The following KIF13B variants were observed in gnomAD, a reference collection of about 807,000 sequenced individuals.
The protein encoded by KIF13B is kinesin family member 13B.
A neutral mutation model predicts 222.0 loss-of-function variants in KIF13B; 127 were observed. The ratio of observed to expected loss-of-function variants is 0.57; its 90% CI spans 0.50 to 0.66. The LOEUF is 0.66. Among genes scored for constraint, KIF13B ranks in the 30% least tolerant of loss-of-function variants. The pLI is 0.00. For missense variants in KIF13B, 2,173 were observed against 2,379.0 expected (o/e 0.91, Z 1.80); for synonymous variants, 976 against 919.0 (o/e 1.06, Z -1.12).
At chr8:29,124,641 T>C (rs1810027987) in intron 26 of KIF13B, among the ~76,000 whole-genome samples, 2 of 152,104 alleles carry the variant, frequency 1.3e-5, no homozygotes, top group East Asian at 1.9e-4. Context: ...GCCAGCACTT[T>C]GGGAGGTCAA....
At chr8:29,103,274 A>G (rs546567509) in intron 35 of KIF13B, among the ~76,000 whole-genome samples, 7 of 151,994 alleles carry the variant, frequency 4.6e-5, no homozygotes, top group African/African-American at 4.8e-5. Flanking sequence ...TAAAACAACA[A>G]TAACAAAAAA....
chr8:29,186,685 C>T (rs1036472496), intron 5 of KIF13B, among the ~76,000 whole-genome samples: 2 of 151,988 alleles, frequency 1.3e-5, no homozygotes, highest in African/African-American at 2.4e-5. Flanking sequence ...AGGCTGGGTG[C>T]GGTGGCTCAC....
At chr8:29,233,093 T>C (rs1432292443) in intron 2 of KIF13B, among the ~76,000 whole-genome samples, 3 of 152,022 alleles carry the variant, frequency 2.0e-5, no homozygotes, top group Admixed American at 1.3e-4. Flanking sequence ...GAGGTGGAGG[T>C]TGCAGTGAGC....
At chr8:29,117,867 A>G (rs924052980) in intron 30 of KIF13B, among the ~76,000 whole-genome samples, 4 of 152,312 alleles carry the variant, frequency 2.6e-5, no homozygotes, top group Admixed American at 2.0e-4. Context: ...TTCCTTTTTA[A>G]TAAATCCTGG....
Position 29,123,451 on chromosome 8 carries a change from C to A in KIF13B, c.3394G>T (p.Glu1132Ter). Residue 1132 changes from glutamate to a stop codon, truncating the protein, a stop_gained, in exon 28 of 40, where the codon GAG (glutamate) becomes TAG (stop). Coordinates refer to ENST00000524189, the MANE Select transcript of KIF13B (RefSeq NM_015254.4). LOFTEE classifies it high-confidence loss of function. ...DDADREAQLL[E>*]MRLTLTEERN... ...TCCTCAGTTAGGGTCAACCGCATCTCCAGAAGCTGCGCTTCACGGTCAGCA... is the reference window on the plus strand; with the variant it reads ...TCCTCAGTTAGGGTCAACCGCATCTACAGAAGCTGCGCTTCACGGTCAGCA... 6.2e-7 allele frequency: 1 copy of A among 1,614,030 alleles called. No homozygotes were observed. The highest frequency in any genetic ancestry group is 8.5e-7 in the Non-Finnish European group (1 of 1,179,874).
chr8:29,217,202 G>T (rs1814525042), intron 2 of KIF13B, among the ~76,000 whole-genome samples: 1 of 152,216 alleles, frequency 6.6e-6, no homozygotes, highest in Non-Finnish European at 1.5e-5. Flanking sequence ...CAACTGTCCG[G>T]CCTGCCTGTG....
At chr8:29,199,170 T>G (rs1028268769) in intron 2 of KIF13B, among the ~76,000 whole-genome samples, 4 of 152,152 alleles carry the variant, frequency 2.6e-5, no homozygotes, top group Non-Finnish European at 5.9e-5. Context: ...TATCATCTTT[T>G]TATTGTCTTT....
intron 10 of KIF13B, among the ~76,000 whole-genome samples, chr8:29,175,407 AGAGGG>A (rs1210056226): frequency 6.6e-6 from 1 of 151,984 alleles, no homozygotes; most frequent in Non-Finnish European, 1.5e-5. Context: ...TACGAGCCAG[AGAGGG>A]CAAGAAGCGC....
intron 24 of KIF13B, 71 bp downstream of exon 24, chr8:29,130,462 C>T (rs2129820223): frequency 6.8e-7 from 1 of 1,468,432 alleles, no homozygotes; most frequent in Non-Finnish European, 9.5e-7. Flanking sequence ...CCAACATTTC[C>T]ACTAAAAAGA....
rs373318729 is a variant in KIF13B at position 29,122,642 on chromosome 8, G to A, written c.3484C>T (p.Pro1162Ser). The change falls in exon 29 of 40, where the codon CCA (proline) becomes TCA (serine). Residue 1162 changes from proline to serine, a missense_variant. Physicochemically the swap from Pro to Ser is moderately conservative, Grantham distance 74 (BLOSUM62 -1). This residue lies in a region of KIF13B where 1,480 missense variants were observed against 1,722.8 expected (regional missense o/e 0.86). Coordinates refer to ENST00000524189, the MANE Select transcript of KIF13B (RefSeq NM_015254.4). Reference protein sequence around the residue: ...GIPGAPAEWTPVPGMETHIPV... With the variant: ...GIPGAPAEWTSVPGMETHIPV... ...ATGTGTGTCTCCATCCCAGGTACTGGGGTCCTAAAACGGGAAGAACAAATG... is the reference window on the plus strand; with the variant it reads ...ATGTGTGTCTCCATCCCAGGTACTGAGGTCCTAAAACGGGAAGAACAAATG... The A allele has an allele frequency of 1.9e-6, 3 of 1,607,338 alleles. No homozygotes were observed. Among genetic ancestry groups the A allele is most frequent in the Non-Finnish European group, 1.7e-6 (2 of 1,176,792 alleles).
rs888370944 is a variant in KIF13B, at chr8:29,109,286, G to C, written c.4161+148C>G. 16 of 669,124 alleles carry C rather than the reference G, an allele frequency of 2.4e-5. 1 individual carries two copies. Among genetic ancestry groups the C allele is most frequent in the South Asian group, 5.2e-5 (3 of 57,450 alleles). 41.4% of individuals were successfully genotyped at this position (669,124 alleles called of 1,614,324 possible). ...ACAGGGGCAGAGGTGCACAGACCCA[G>C]TGGGGTGGAGACCAGGGGCCCTGAC... On this transcript the variant is annotated intron_variant, in intron 34 of 39. Transcript: ENST00000524189.
Position 29,072,185 on chromosome 8 carries a change from C to A in KIF13B, c.4653G>T (p.Pro1551=). The part of the protein sequence containing the change: ...VIAVTAVTPA[P]EAQDGPPSPL... ...GGCTGGGGGGCCCGTCCTGTGCCTC[C>A]GGAGCCGGGGTGACCGCTGTGACAG... Residue 1551 remains proline (P), a synonymous_variant, in exon 39 of 40, where the codon CCG becomes CCT. Transcript: ENST00000524189. 1 of 1,436,166 alleles carries A rather than the reference C, an allele frequency of 7.0e-7. No individual in the cohort carries two copies. The highest frequency in any genetic ancestry group is 1.6e-5 in the South Asian group (1 of 64,048). 89.0% of individuals were successfully genotyped at this position (1,436,166 alleles called of 1,614,324 possible). A position where few individuals can be genotyped will look rare whatever the true frequency, so the allele number is the denominator to read the frequency against.
intron 36 of KIF13B, among the ~76,000 whole-genome samples, chr8:29,095,709 G>A (rs1808490513): frequency 6.6e-6 from 1 of 152,158 alleles, no homozygotes. Flanking sequence ...AGAGGTTGTG[G>A]TGAGCCAACA....
chr8:29,252,854 GA>G (rs1816335325), intron 1 of KIF13B, among the ~76,000 whole-genome samples: 1 of 151,706 alleles, frequency 6.6e-6, no homozygotes, highest in African/African-American at 2.4e-5. Flanking sequence ...GACCCTGGGA[GA>G]AAAAAAATTA....
At chr8:29,112,431 CA>C (rs34908319) in intron 32 of KIF13B, among the ~76,000 whole-genome samples, 13,347 of 78,102 alleles carry the variant, frequency 0.17, 340 homozygotes, top group South Asian at 0.2. Context: ...GACTCAGTCT[CA>C]AAAAAAAAAA....
intron 37 of KIF13B, among the ~76,000 whole-genome samples, chr8:29,082,300 C>T (rs1350026337): frequency 6.6e-6 from 1 of 152,162 alleles, no homozygotes; most frequent in Non-Finnish European, 1.5e-5. Context: ...GTCTATAAGA[C>T]ATTAGATATG....
intron 2 of KIF13B, among the ~76,000 whole-genome samples, chr8:29,205,084 G>A (rs1813869209): frequency 6.6e-6 from 1 of 152,124 alleles, no homozygotes; most frequent in African/African-American, 2.4e-5. Context: ...AGTATGTTGG[G>A]AGGCAAAGGC....
At chr8:29,101,006 G>T (rs1383207076) in intron 35 of KIF13B, among the ~76,000 whole-genome samples, 2 of 152,110 alleles carry the variant, frequency 1.3e-5, no homozygotes, top group African/African-American at 4.8e-5. Flanking sequence ...ATGGTGTGAT[G>T]GTCAGGATTG....
chr8:29,244,154 C>T (rs1276963616), intron 2 of KIF13B, among the ~76,000 whole-genome samples: 1 of 152,120 alleles, frequency 6.6e-6, no homozygotes, highest in Non-Finnish European at 1.5e-5. Context: ...GCTGGGACTA[C>T]AGGCGCCCGC....
Sources: gnomAD v4.1 joint callset for allele counts (sites outside exome capture counted in the v4.1 genomes callset) on GRCh38, gnomAD v4.1.1 for gene constraint, gnomAD v4.1.1 regional missense constraint, MANE v1.5 for transcripts, NCBI Gene and HGNC (gene_info 2026-07-23, HGNC 2026-07-21) for gene names.